OPCML: variants seen among roughly 807,000 people sequenced by gnomAD.
OPCML encodes the protein opioid-binding protein/cell adhesion molecule.
A neutral mutation model predicts 37.8 loss-of-function variants in OPCML; 13 were observed. The observed-to-expected ratio is 0.34, with a 90% confidence interval of 0.22 to 0.55. OPCML has a LOEUF of 0.55. Among genes scored for constraint, OPCML ranks in the 20% least tolerant of loss-of-function variants. The pLI, the probability that OPCML is intolerant of heterozygous loss-of-function variation, is 0.91. For synonymous variants in OPCML, 176 were observed against 168.8 expected, an observed-to-expected ratio of 1.04 and a Z score of -0.33; for missense variants, 341 against 435.6, an observed-to-expected ratio of 0.78 and a Z score of 1.93.
At chr11:132,990,216 G>C (rs1380298987) in intron 1 of OPCML, among the ~76,000 whole-genome samples, 1 of 152,164 alleles carries the variant, frequency 6.6e-6, no homozygotes, top group Non-Finnish European at 1.5e-5. Flanking sequence ...GTCCTAGTGG[G>C]TGCCTACAGG....
In OPCML at chr11:133,204,909, T is replaced by C. The variant is rs201702063; in HGVS notation, c.62-261899A>G. Among the ~76,000 whole-genome samples, 753 of 130,582 alleles carry C rather than the reference T, an allele frequency of 5.8e-3. 4 individuals carry two copies. The highest frequency in any genetic ancestry group is 0.015 in the East Asian group (56 of 3,836). 85.7% of individuals were successfully genotyped at this position (130,582 alleles called of 152,430 possible). ...ATATATATATATATATATATATATATACATACACATTTAGATATGGTCTTT... is the reference window on the plus strand; with the variant it reads ...ATATATATATATATATATATATATACACATACACATTTAGATATGGTCTTT... On this transcript the variant is annotated intron_variant, in intron 1 of 7. Transcript: ENST00000524381.
chr11:132,512,454 A>T (rs912011434), intron 4 of OPCML, among the ~76,000 whole-genome samples: 1 of 152,028 alleles, frequency 6.6e-6, no homozygotes, highest in Non-Finnish European at 1.5e-5. Context: ...GAAACAACCA[A>T]ATGTCCACCC....
intron 1 of OPCML, chr11:133,067,909 G>A (rs896995667): frequency 2.0e-5 from 3 of 152,204 alleles, no homozygotes; most frequent in South Asian, 2.1e-4. Context: ...TAGCAAGGCA[G>A]CCCCATGGTA....
intron 2 of OPCML, among the ~76,000 whole-genome samples, chr11:132,665,885 G>A (rs1406480286): frequency 4.6e-5 from 7 of 152,160 alleles, no homozygotes; most frequent in Admixed American, 6.5e-5. Context: ...GAACACAAGA[G>A]TATTACAAAG....
chr11:133,018,791 C>T (rs1443325339), intron 1 of OPCML, among the ~76,000 whole-genome samples: 1 of 152,216 alleles, frequency 6.6e-6, no homozygotes, highest in Non-Finnish European at 1.5e-5. Context: ...CCGAGGCACA[C>T]GCTGTGTCGT....
chr11:133,249,235 G>A (rs1170694049), intron 1 of OPCML, among the ~76,000 whole-genome samples: 3 of 152,124 alleles, frequency 2.0e-5, no homozygotes, highest in Admixed American at 6.5e-5. Flanking sequence ...AGGGCTTAAG[G>A]GAGCTTCCAC....
intron 1 of OPCML, among the ~76,000 whole-genome samples, chr11:133,189,458 C>A (rs894595911): frequency 1.3e-5 from 2 of 152,102 alleles, no homozygotes; most frequent in African/African-American, 4.8e-5. Flanking sequence ...AAAGTGGACT[C>A]TTAATTAGGA....
intron 1 of OPCML, among the ~76,000 whole-genome samples, chr11:133,084,418 G>A (rs555488333): frequency 1.3e-5 from 2 of 152,244 alleles, no homozygotes; most frequent in African/African-American, 4.8e-5. Context: ...TTCCCAGAAA[G>A]AGGTGTTAAG....
intron 1 of OPCML, among the ~76,000 whole-genome samples, chr11:133,082,577 C>A: frequency 7.0e-6 from 1 of 142,294 alleles, no homozygotes; most frequent in South Asian, 2.4e-4. Flanking sequence ...TCCTCTCCTC[C>A]TCATCCTCTC....
intron 4 of OPCML, among the ~76,000 whole-genome samples, chr11:132,486,081 G>T (rs764256378): frequency 2.0e-5 from 3 of 152,176 alleles, no homozygotes; most frequent in Non-Finnish European, 4.4e-5. Context: ...ATTTATTTTA[G>T]CCATTGTAGT....
At chr11:132,927,470 C>G (rs1945034069) in intron 2 of OPCML, among the ~76,000 whole-genome samples, 1 of 152,040 alleles carries the variant, frequency 6.6e-6, no homozygotes, top group African/African-American at 2.4e-5. Flanking sequence ...AAATCCATAT[C>G]CAGCAAAACT....
chr11:132,595,528 T>G (rs1318632318), intron 3 of OPCML, among the ~76,000 whole-genome samples: 1 of 152,168 alleles, frequency 6.6e-6, no homozygotes, highest in African/African-American at 2.4e-5. Context: ...CTGAAACCTA[T>G]TTCAGCCCTG....
intron 1 of OPCML, among the ~76,000 whole-genome samples, chr11:133,506,836 C>T (rs572425321): frequency 6.6e-6 from 1 of 152,352 alleles, no homozygotes; most frequent in African/African-American, 2.4e-5. Context: ...GGAGAACGCA[C>T]TCGGTGCACG....
chr11:133,478,085 T>C (rs776331966), intron 1 of OPCML, among the ~76,000 whole-genome samples: 6 of 152,212 alleles, frequency 3.9e-5, no homozygotes, highest in Non-Finnish European at 8.8e-5. Context: ...TAGATTTCAT[T>C]TTGGTTTGCC....
At chr11:133,332,344 T>C (rs1181933527) in intron 1 of OPCML, among the ~76,000 whole-genome samples, 5 of 152,170 alleles carry the variant, frequency 3.3e-5, no homozygotes, top group Admixed American at 3.3e-4. Flanking sequence ...TATGGGGTTT[T>C]CTAGCTAGAG....
At chr11:132,912,778 G>A (rs1944469298) in intron 2 of OPCML, among the ~76,000 whole-genome samples, 1 of 152,106 alleles carries the variant, frequency 6.6e-6, no homozygotes, top group South Asian at 2.1e-4. Flanking sequence ...TATTCCATGT[G>A]CTGCTGCTGG....
At chr11:133,322,398 G>A (rs1943353041) in intron 1 of OPCML, among the ~76,000 whole-genome samples, 1 of 152,182 alleles carries the variant, frequency 6.6e-6, no homozygotes, top group African/African-American at 2.4e-5. Context: ...TTTTTCAGAA[G>A]TATTCTTTTC....
rs187245642 is a variant in OPCML, at chr11:132,439,916, A to T, written c.506-2557T>A. On this transcript the variant is annotated intron_variant, in intron 4 of 7. Transcript: ENST00000524381. ...TCCCCTTTCCTTAGAGAGAAGAAAG[A>T]CCCAGATCATGCTGCTTGGTGGACC... 1.2e-3 allele frequency among the ~76,000 whole-genome samples: 187 copies of T among 152,270 alleles called. 1 individual carries two copies. Among genetic ancestry groups the T allele is most frequent in the African/African-American group, 4.2e-3 (173 of 41,550 alleles).
chr11:132,453,589 G>T (rs2096073976), intron 4 of OPCML, among the ~76,000 whole-genome samples: 1 of 152,218 alleles, frequency 6.6e-6, no homozygotes, highest in Admixed American at 6.5e-5. Flanking sequence ...CTGAGGGTAA[G>T]ACTGATTACT....
Sources: allele counts gnomAD v4.1 joint callset (sites outside exome capture counted in the v4.1 genomes callset), GRCh38; gene constraint gnomAD v4.1.1; transcripts MANE v1.5; gene names NCBI Gene and HGNC (gene_info 2026-07-23, HGNC 2026-07-21).